FAM168B: variants seen among roughly 807,000 people sequenced by gnomAD.
FAM168B encodes the protein family with sequence similarity 168 member B.
A neutral mutation model predicts 21.8 loss-of-function variants in FAM168B; 19 were observed. The ratio of observed to expected loss-of-function variants is 0.87; its 90% CI spans 0.61 to 1.28. The LOEUF is 1.28. FAM168B is among the 50% of genes most tolerant of loss of function. FAM168B has a pLI of 0.00. For missense variants in FAM168B, 233 were observed against 263.1 expected (o/e 0.89, Z 0.79); for synonymous variants, 126 against 104.8 (o/e 1.20, Z -1.24).
intron 2 of FAM168B, among the ~76,000 whole-genome samples, chr2:131,074,455 C>G (rs971909250): frequency 6.6e-6 from 1 of 152,170 alleles, no homozygotes; most frequent in Non-Finnish European, 1.5e-5. Context: ...TTGGGGCACA[C>G]AGCCAACAAG....
intron 2 of FAM168B, among the ~76,000 whole-genome samples, chr2:131,074,893 T>A (rs536421272): frequency 6.6e-6 from 1 of 152,154 alleles, no homozygotes; most frequent in South Asian, 2.1e-4. Context: ...ACAGGAGGCA[T>A]CAGTGTCACC....
chr2:131,054,439 C>G (rs1347621880), intron 5 of FAM168B, among the ~76,000 whole-genome samples: 2 of 152,170 alleles, frequency 1.3e-5, no homozygotes, highest in African/African-American at 2.4e-5. Context: ...TCTGTCTATG[C>G]CCAGTTTCCT....
intron 1 of FAM168B, among the ~76,000 whole-genome samples, chr2:131,086,522 G>A (rs915387454): frequency 6.6e-6 from 1 of 152,160 alleles, no homozygotes; most frequent in African/African-American, 2.4e-5. Flanking sequence ...ATTGAGTCCA[G>A]GAGTTCGAGG....
At chr2:131,069,640 C>A (rs1190522956) in intron 3 of FAM168B, among the ~76,000 whole-genome samples, 1 of 151,584 alleles carries the variant, frequency 6.6e-6, no homozygotes, top group South Asian at 2.1e-4. Flanking sequence ...ACTACAGGAG[C>A]CCGCCACCAT....
rs1239823769 is a variant in FAM168B, at chr2:131,080,074, G to A, written c.70+2503C>T. ...AGAGGTTGCAGTGAGCCAAGATCAC[G>A]CCATTGCACTCCAGCCTGGGCAACA... On this transcript the variant is annotated intron_variant, in intron 2 of 6. Transcript: ENST00000389915. Among the ~76,000 whole-genome samples, 11 of 151,720 alleles carry A rather than the reference G, an allele frequency of 7.3e-5. 1 individual carries two copies. The highest frequency in any genetic ancestry group is 4.2e-4 in the South Asian group (2 of 4,792).
chr2:131,090,615 C>T (rs977667637), intron 1 of FAM168B, among the ~76,000 whole-genome samples: 1 of 151,904 alleles, frequency 6.6e-6, no homozygotes, highest in Admixed American at 6.6e-5. Context: ...CCTGTAACAC[C>T]AGTGCTTTGG....
At chr2:131,086,681 G>C (rs1443096889) in intron 1 of FAM168B, among the ~76,000 whole-genome samples, 1 of 152,184 alleles carries the variant, frequency 6.6e-6, no homozygotes, top group African/African-American at 2.4e-5. Flanking sequence ...TCCTATGTAG[G>C]TGACAGCCAT....
At chr2:131,072,845 G>C (rs896971302) in intron 2 of FAM168B, among the ~76,000 whole-genome samples, 2 of 152,080 alleles carry the variant, frequency 1.3e-5, no homozygotes, top group Admixed American at 1.3e-4. Flanking sequence ...GGTATCACAC[G>C]CTAGGTCCTG....
At chr2:131,061,555 CG>C (rs1244670387) in intron 3 of FAM168B, among the ~76,000 whole-genome samples, 1 of 152,006 alleles carries the variant, frequency 6.6e-6, no homozygotes, top group Non-Finnish European at 1.5e-5. Flanking sequence ...CTGAGGCAGG[CG>C]GATCACCTGA....
rs34175924 is a variant in FAM168B, at chr2:131,077,212, TAAAAAAAAAAA to T, written c.71-5285_71-5275del. Among the ~76,000 whole-genome samples, 14 of 130,280 alleles carry T rather than the reference TAAAAAAAAAAA, an allele frequency of 1.1e-4. No individual in the cohort carries two copies. The Admixed American group carries it at 1.1e-3, about 10-fold the overall frequency. 85.5% of individuals were successfully genotyped at this position (130,280 alleles called of 152,430 possible). ...GGAGTGTATGTAACGCTATTACATT[TAAAAAAAAAAA>T]AAAAAAAAAGAACAAGGCAAACTTC... On this transcript the variant is annotated intron_variant, in intron 2 of 6. Transcript: ENST00000389915.
rs1691725388 is a variant in FAM168B, at chr2:131,052,278, C to T, written c.*187G>A. 1 of 985,790 alleles carries T rather than the reference C, an allele frequency of 1.0e-6. No individual in the cohort carries two copies. The highest frequency in any genetic ancestry group is 1.7e-5 in the African/African-American group (1 of 57,240). The allele number at this position is 985,790 out of a possible 1,614,324, so 61.1% of individuals were successfully genotyped here. A position where few individuals can be genotyped will look rare whatever the true frequency, so the allele number is the denominator to read the frequency against. On this transcript the variant is annotated 3_prime_UTR_variant, in exon 7 of 7. Transcript: ENST00000389915. ...CCACAAAACAGAATTTGCTTTAAGA[C>T]CAACCCACAGAGTCAGCTGGAGACT...
At chr2:131,082,034 C>T (rs1442749750) in intron 2 of FAM168B, among the ~76,000 whole-genome samples, 1 of 152,168 alleles carries the variant, frequency 6.6e-6, no homozygotes, top group Non-Finnish European at 1.5e-5. Flanking sequence ...CAGCTCCTAT[C>T]CCCTCAATAT....
At chr2:131,059,581 A>AT (rs919602445) in intron 3 of FAM168B, among the ~76,000 whole-genome samples, 2 of 152,072 alleles carry the variant, frequency 1.3e-5, no homozygotes, top group African/African-American at 2.4e-5. Context: ...CCAAGATGAT[A>AT]TTTTTTTTAT....
chr2:131,056,924 C>T (rs1043481214), intron 3 of FAM168B, among the ~76,000 whole-genome samples: 1 of 152,308 alleles, frequency 6.6e-6, no homozygotes, highest in East Asian at 1.9e-4. Context: ...GAGGGGCATG[C>T]GAGAACCTTT....
At chr2:131,057,771 T>TA (rs1390375533) in intron 3 of FAM168B, among the ~76,000 whole-genome samples, 1 of 152,196 alleles carries the variant, frequency 6.6e-6, no homozygotes, top group Non-Finnish European at 1.5e-5. Flanking sequence ...TAATTAAAGT[T>TA]AATTTTTAAA....
intron 3 of FAM168B, among the ~76,000 whole-genome samples, chr2:131,067,859 G>A (rs974061608): frequency 6.6e-6 from 1 of 152,142 alleles, no homozygotes; most frequent in African/African-American, 2.4e-5. Context: ...TCAGAAAAAG[G>A]GAAAGGCTCA....
intron 1 of FAM168B, among the ~76,000 whole-genome samples, chr2:131,092,509 T>C (rs903984662): frequency 6.6e-6 from 1 of 152,222 alleles, no homozygotes; most frequent in African/African-American, 2.4e-5. Flanking sequence ...GTGGAAACTA[T>C]ATAAACCTTT....
intron 1 of FAM168B, among the ~76,000 whole-genome samples, chr2:131,089,273 C>T (rs1337365786): frequency 1.3e-5 from 2 of 151,368 alleles, no homozygotes; most frequent in Non-Finnish European, 2.9e-5. Flanking sequence ...GCCGAGCTTA[C>T]CACATTTTTA....
rs1195172581 is a variant in FAM168B at position 131,079,925 on chromosome 2, T to C, written c.70+2652A>G. Among the ~76,000 whole-genome samples, 5 of 152,126 alleles carry C rather than the reference T, an allele frequency of 3.3e-5. No individual in the cohort carries two copies. In the East Asian group the frequency reaches 9.6e-4, roughly 29 times the overall value. ...TGAGGTCAGGAGTTCTTGATCAGCC[T>C]GGCCAATATGGCAAAAACCCATCTC... On this transcript the variant is annotated intron_variant, in intron 2 of 6. Coordinates refer to ENST00000389915, the MANE Select transcript of FAM168B (RefSeq NM_001009993.4).
Sources: allele counts gnomAD v4.1 joint callset (sites outside exome capture counted in the v4.1 genomes callset), GRCh38; gene constraint gnomAD v4.1.1; transcripts MANE v1.5; gene names NCBI Gene and HGNC (gene_info 2026-07-23, HGNC 2026-07-21).